MYO1H: variants seen among roughly 807,000 people sequenced by gnomAD.
The protein encoded by MYO1H is unconventional myosin-Ih.
A neutral mutation model predicts 149.3 loss-of-function variants in MYO1H; 118 were observed. The observed-to-expected ratio is 0.79, with a 90% CI of 0.68 to 0.92. MYO1H has a LOEUF of 0.92. Among genes scored for constraint, MYO1H ranks in the 40% least tolerant of loss-of-function variants. The pLI is 0.00. For missense variants in MYO1H, 1,212 were observed against 1,280.7 expected (o/e 0.95, Z 0.82); for synonymous variants, 447 against 465.2 (o/e 0.96, Z 0.50).
chr12:109,315,280 C>T, the MYO1H span, among the ~76,000 whole-genome samples: 60 of 152,252 alleles, frequency 3.9e-4, no homozygotes, highest in African/African-American at 1.3e-3. Context: ...CTTTGTGTAT[C>T]TCTTTTAGTG....
Position 109,387,824 on chromosome 12 carries a change from C to T in MYO1H, c.13-859C>T, listed in dbSNP as rs186618223. ...CTCCTGTTCCCTCTCCCAACGCACACCTGCCCTCTGGCCGCAGCTTGCCTG... is the reference window on the plus strand; with the variant it reads ...CTCCTGTTCCCTCTCCCAACGCACATCTGCCCTCTGGCCGCAGCTTGCCTG... On this transcript the variant is annotated intron_variant, in intron 1 of 31. Transcript: ENST00000310903. Among the ~76,000 whole-genome samples, 98 of 152,352 alleles carry T rather than the reference C, an allele frequency of 6.4e-4. 1 individual carries two copies. The highest frequency in any genetic ancestry group is 2.3e-3 in the African/African-American group (94 of 41,582).
At chr12:109,429,827 A>G (rs909873578) in intron 19 of MYO1H, among the ~76,000 whole-genome samples, 5 of 152,208 alleles carry the variant, frequency 3.3e-5, no homozygotes, top group African/African-American at 1.2e-4. Context: ...GGGCTGCTGT[A>G]ACGAAACACT....
At chr12:109,431,663 C>T (rs71456693) in intron 19 of MYO1H, among the ~76,000 whole-genome samples, 2 of 152,190 alleles carry the variant, frequency 1.3e-5, no homozygotes, top group African/African-American at 4.8e-5. Flanking sequence ...ATCTGCACTT[C>T]TGAATTCTGC....
chr12:109,316,773 C>T, the MYO1H span, among the ~76,000 whole-genome samples: 1 of 152,126 alleles, frequency 6.6e-6, no homozygotes, highest in African/African-American at 2.4e-5. Context: ...GGTGGAGGTC[C>T]TAGCGCCTGA....
At chr12:109,414,117 G>C (rs941004184) in intron 14 of MYO1H, among the ~76,000 whole-genome samples, 1 of 152,052 alleles carries the variant, frequency 6.6e-6, no homozygotes, top group East Asian at 1.9e-4. Flanking sequence ...TCATTGAGCC[G>C]TACGCTTAGA....
chr12:109,341,197 A>G, the MYO1H span, among the ~76,000 whole-genome samples: 1,385 of 147,648 alleles, frequency 9.4e-3, 12 homozygotes, highest in Non-Finnish European at 0.016. Context: ...TCGAAAAAAA[A>G]AAAAAAAAAG....
the MYO1H span, among the ~76,000 whole-genome samples, chr12:109,318,979 T>TTGTTTTTG: frequency 5.1e-3 from 713 of 141,098 alleles, 16 homozygotes; most frequent in South Asian, 9.3e-3. Context: ...TTTGTTTTTT[T>TTGTTTTTG]TTTTTTTTTT....
chr12:109,370,397 T>C (rs1314133946), intron 1 of MYO1H, among the ~76,000 whole-genome samples: 1 of 152,168 alleles, frequency 6.6e-6, no homozygotes, highest in Non-Finnish European at 1.5e-5. Context: ...TTGGTCAAAG[T>C]CACATGTCTA....
chr12:109,311,625 C>G, the MYO1H span, among the ~76,000 whole-genome samples: 1 of 152,204 alleles, frequency 6.6e-6, no homozygotes, highest in Non-Finnish European at 1.5e-5. Context: ...GATGCTTTCA[C>G]TGAGCTAAAG....
intron 23 of MYO1H, among the ~76,000 whole-genome samples, chr12:109,439,177 C>A (rs755492347): frequency 2.6e-4 from 40 of 152,194 alleles, no homozygotes; most frequent in Middle Eastern, 3.4e-3. Context: ...TGGGTTCAAG[C>A]GATTCTCCTG....
the MYO1H span, among the ~76,000 whole-genome samples, chr12:109,322,776 C>T: frequency 5.6e-5 from 8 of 143,702 alleles, no homozygotes; most frequent in South Asian, 1.3e-3. Flanking sequence ...GCCAATATCA[C>T]GCCACTGTAC....
chr12:109,334,202 A>G, the MYO1H span, among the ~76,000 whole-genome samples: 1 of 152,042 alleles, frequency 6.6e-6, no homozygotes, highest in Non-Finnish European at 1.5e-5. Flanking sequence ...TTTTTTAAGT[A>G]GAGATGGGGT....
intron 14 of MYO1H, among the ~76,000 whole-genome samples, chr12:109,414,476 CA>C (rs1158287635): frequency 0.052 from 2,966 of 57,312 alleles, 55 homozygotes; most frequent in African/African-American, 0.17. Context: ...GACTCCATCT[CA>C]AAAAAAAAAA....
chr12:109,353,629 C>A (rs1355289821), intron 1 of MYO1H, among the ~76,000 whole-genome samples: 1 of 152,062 alleles, frequency 6.6e-6, no homozygotes, highest in Non-Finnish European at 1.5e-5. Flanking sequence ...TACACCCACA[C>A]ACATGCACAG....
At chr12:109,352,740 T>A (rs1868491349) in intron 1 of MYO1H, among the ~76,000 whole-genome samples, 1 of 152,218 alleles carries the variant, frequency 6.6e-6, no homozygotes, top group Admixed American at 6.5e-5. Flanking sequence ...TGTATCTTAT[T>A]TTGGGGGGAT....
intron 1 of MYO1H, among the ~76,000 whole-genome samples, chr12:109,376,744 T>C (rs1199290286): frequency 6.6e-6 from 1 of 152,244 alleles, no homozygotes; most frequent in Admixed American, 6.5e-5. Flanking sequence ...CAGACAACAA[T>C]AAGCTGTTCT....
the MYO1H span, among the ~76,000 whole-genome samples, chr12:109,318,960 G>GTTTTTTTTGTTTTTTTTGTTT: frequency 3.9e-5 from 3 of 77,862 alleles, no homozygotes; most frequent in Admixed American, 1.3e-4. Flanking sequence ...AACTCTCTGC[G>GTTTTTTTTGTTTTTTTTGTTT]TTTTTGGTTT....
chr12:109,368,683 A>G (rs1339604226), intron 1 of MYO1H, among the ~76,000 whole-genome samples: 1 of 150,148 alleles, frequency 6.7e-6, no homozygotes, highest in Non-Finnish European at 1.5e-5. Flanking sequence ...ATAGGAAAAG[A>G]TGTTAAGGAT....
intron 15 of MYO1H, 39 bp downstream of exon 15, chr12:109,415,659 G>C: frequency 4.2e-6 from 6 of 1,433,582 alleles, no homozygotes; most frequent in Non-Finnish European, 5.7e-6. Flanking sequence ...CCATGTATGT[G>C]CCCAGCCTGG....
Sources: gnomAD v4.1 joint callset for allele counts (sites outside exome capture counted in the v4.1 genomes callset) on GRCh38, gnomAD v4.1.1 for gene constraint, MANE v1.5 for transcripts, NCBI Gene and HGNC (gene_info 2026-07-23, HGNC 2026-07-21) for gene names.